L3MBTL4: variants seen among roughly 807,000 people sequenced by gnomAD.
The protein encoded by L3MBTL4 is lethal(3)malignant brain tumor-like protein 4.
In L3MBTL4, 70 loss-of-function variants were observed where a neutral mutation model predicts 84.5. The observed-to-expected ratio is 0.83, with a 90% confidence interval of 0.68 to 1.01. L3MBTL4 has a LOEUF of 1.01. Among genes scored for constraint, L3MBTL4 ranks in the 50% least tolerant of loss-of-function variants. The pLI, the probability that L3MBTL4 is intolerant of heterozygous loss-of-function variation, is 0.00. For missense variants in L3MBTL4, 715 were observed against 754.8 expected, an observed-to-expected ratio of 0.95 and a Z score of 0.62; for synonymous variants, 274 against 259.8, an observed-to-expected ratio of 1.05 and a Z score of -0.52.
intron 13 of L3MBTL4, 98 bp downstream of exon 13, chr18:6,171,730 T>C: frequency 3.1e-6 from 2 of 647,794 alleles, no homozygotes; most frequent in South Asian, 4.3e-5. Context: ...TATGTGATGT[T>C]TAGCTTTCAA....
intron 16 of L3MBTL4, among the ~76,000 whole-genome samples, chr18:6,077,540 T>C (rs1465001313): frequency 6.6e-6 from 1 of 152,150 alleles, no homozygotes; most frequent in Non-Finnish European, 1.5e-5. Flanking sequence ...CAAGCATACA[T>C]ATGGTGAATA....
At chr18:6,197,608 T>C (rs1351459050) in intron 12 of L3MBTL4, among the ~76,000 whole-genome samples, 4 of 152,256 alleles carry the variant, frequency 2.6e-5, no homozygotes, top group Non-Finnish European at 5.9e-5. Flanking sequence ...GAATAATTTG[T>C]ATTCCTTTGG....
chr18:6,030,425 G>C (rs2055732382), intron 16 of L3MBTL4: 1 of 984,654 alleles, frequency 1.0e-6, no homozygotes, highest in South Asian at 4.7e-5. Context: ...TACATCTTCT[G>C]ACTTTATCAT....
chr18:6,260,145 CTATG>C (rs2048333436), intron 5 of L3MBTL4: 1 of 152,110 alleles, frequency 6.6e-6, no homozygotes, highest in Non-Finnish European at 1.5e-5. Context: ...TTCCATTGTT[CTATG>C]TATGTGTTTT....
chr18:6,007,582 C>T (rs959563338), intron 16 of L3MBTL4, among the ~76,000 whole-genome samples: 2 of 152,190 alleles, frequency 1.3e-5, no homozygotes, highest in African/African-American at 4.8e-5. Flanking sequence ...CTGTTTCATT[C>T]TGCCATTCCA....
chr18:6,289,510 C>T (rs2049750730), intron 4 of L3MBTL4, among the ~76,000 whole-genome samples: 1 of 152,124 alleles, frequency 6.6e-6, no homozygotes, highest in African/African-American at 2.4e-5. Flanking sequence ...AAATGTTGTC[C>T]TCTTCATTTA....
At chr18:6,272,278 T>C (rs1403842086) in intron 4 of L3MBTL4, among the ~76,000 whole-genome samples, 1 of 152,204 alleles carries the variant, frequency 6.6e-6, no homozygotes, top group Admixed American at 6.5e-5. Context: ...AGAGGAGTTT[T>C]AGGCTGCTAG....
At chr18:6,346,475 C>A (rs1409997431) in intron 1 of L3MBTL4, among the ~76,000 whole-genome samples, 1 of 151,650 alleles carries the variant, frequency 6.6e-6, no homozygotes, top group Admixed American at 6.6e-5. Context: ...AATATATAAG[C>A]AACTCATATA....
intron 12 of L3MBTL4, 68 bp downstream of exon 12, chr18:6,213,080 AG>A (rs2046177899): frequency 1.3e-6 from 1 of 782,976 alleles, no homozygotes; most frequent in African/African-American, 1.8e-5. Context: ...AGAGAATGGG[AG>A]GGTAGAGGAA....
At chr18:6,037,742 G>A (rs1010766616) in intron 16 of L3MBTL4, among the ~76,000 whole-genome samples, 1 of 152,188 alleles carries the variant, frequency 6.6e-6, no homozygotes, top group Non-Finnish European at 1.5e-5. Context: ...ACCAACTGTA[G>A]CCTCTGTTAA....
At chr18:6,391,521 T>C (rs771330491) in intron 1 of L3MBTL4, among the ~76,000 whole-genome samples, 4 of 151,984 alleles carry the variant, frequency 2.6e-5, no homozygotes, top group Non-Finnish European at 5.9e-5. Context: ...GGGATCCAGA[T>C]TGGAAAAGAG....
intron 16 of L3MBTL4, among the ~76,000 whole-genome samples, chr18:6,068,708 C>A (rs1036622346): frequency 5.3e-5 from 8 of 152,260 alleles, no homozygotes; most frequent in African/African-American, 1.9e-4. Flanking sequence ...CAGTGGTGTA[C>A]CAGTGGGAAA....
intron 16 of L3MBTL4, among the ~76,000 whole-genome samples, chr18:5,995,687 G>C (rs778561329): frequency 6.6e-6 from 1 of 152,162 alleles, no homozygotes; most frequent in African/African-American, 2.4e-5. Context: ...ACAGATTTGG[G>C]AGTTCTAAGA....
intron 4 of L3MBTL4, among the ~76,000 whole-genome samples, chr18:6,270,185 A>G (rs1308494454): frequency 6.6e-6 from 1 of 152,196 alleles, no homozygotes; most frequent in Non-Finnish European, 1.5e-5. Context: ...ACAACTGATC[A>G]CTGCTGAACA....
intron 1 of L3MBTL4, among the ~76,000 whole-genome samples, chr18:6,329,143 T>G (rs1463773453): frequency 9.7e-6 from 1 of 103,238 alleles, no homozygotes; most frequent in Non-Finnish European, 2.0e-5. Flanking sequence ...TGTTTCTTTT[T>G]TTCTTTTCTT....
At chr18:6,214,494 A>G (rs948117440) in intron 11 of L3MBTL4, among the ~76,000 whole-genome samples, 5 of 152,248 alleles carry the variant, frequency 3.3e-5, no homozygotes, top group Non-Finnish European at 5.9e-5. Context: ...TATTGGAAAC[A>G]AAAGTGTTTT....
chr18:6,278,087 T>C (rs1367894554), intron 4 of L3MBTL4, among the ~76,000 whole-genome samples: 3 of 152,178 alleles, frequency 2.0e-5, no homozygotes, highest in Non-Finnish European at 2.9e-5. Context: ...TTTGTAGTGC[T>C]CATTTAATTT....
At chr18:6,267,996 T>C (rs2048708405) in intron 4 of L3MBTL4, among the ~76,000 whole-genome samples, 1 of 152,338 alleles carries the variant, frequency 6.6e-6, no homozygotes, top group Non-Finnish European at 1.5e-5. Context: ...GCACTTTAGC[T>C]GAAATTAACC....
intron 16 of L3MBTL4, among the ~76,000 whole-genome samples, chr18:6,041,692 C>A (rs751007758): frequency 6.6e-6 from 1 of 151,994 alleles, no homozygotes; most frequent in Non-Finnish European, 1.5e-5. Flanking sequence ...CTTTGGTTTA[C>A]CTGCTTTTCT....
Sources: allele counts gnomAD v4.1 joint callset (sites outside exome capture counted in the v4.1 genomes callset), GRCh38; gene constraint gnomAD v4.1.1; transcripts MANE v1.5; gene names NCBI Gene and HGNC (gene_info 2026-07-23, HGNC 2026-07-21).